PCED1B: variants seen among roughly 807,000 people sequenced by gnomAD.
PCED1B encodes PC-esterase domain containing 1B, also known as PC-esterase domain-containing protein 1B.
For missense variants in PCED1B, 573 were observed against 573.9 expected (o/e 1.00, Z 0.02); for synonymous variants, 251 against 246.1 (o/e 1.02, Z -0.19).
intron 2 of PCED1B, among the ~76,000 whole-genome samples, chr12:47,127,472 G>A (rs939182142): frequency 2.0e-5 from 3 of 150,008 alleles, no homozygotes; most frequent in Admixed American, 6.7e-5. Flanking sequence ...AGGTTCAAGC[G>A]ATTCTCCTGC....
chr12:47,217,512 GAA>G (rs1943327140), intron 3 of PCED1B, among the ~76,000 whole-genome samples: 1 of 130,432 alleles, frequency 7.7e-6, no homozygotes, highest in Admixed American at 7.2e-5. Context: ...AAGAAAGAAA[GAA>G]AGAAGAAAGA....
intron 2 of PCED1B, among the ~76,000 whole-genome samples, chr12:47,207,896 G>A (rs1037702553): frequency 6.6e-6 from 1 of 152,226 alleles, no homozygotes; most frequent in African/African-American, 2.4e-5. Context: ...CATATGACAG[G>A]CAGAGGTTAC....
Position 47,082,838 on chromosome 12 carries a change from A to G in PCED1B, c.-609+3113A>G, listed in dbSNP as rs1038813712. ...GGTTCCAACCTGGAATGGGTTGCCA[A>G]GACAGATGGTTGAGTTGCCTTCTCA... On this transcript the variant is annotated intron_variant, in intron 1 of 3. Coordinates refer to ENST00000546455, the MANE Select transcript of PCED1B (RefSeq NM_138371.3). Among the ~76,000 whole-genome samples the G allele has an allele frequency of 3.3e-5, 5 of 152,036 alleles. No individual in the cohort carries two copies. In the East Asian group the frequency reaches 9.6e-4, roughly 29 times the overall value.
At chr12:47,206,257 A>G (rs554336033) in intron 2 of PCED1B, 4 of 152,350 alleles carry the variant, frequency 2.6e-5, no homozygotes, top group Admixed American at 1.3e-4. Context: ...GGCTCATGTT[A>G]GTCCTACAAA....
chr12:47,164,910 A>G (rs917530432), intron 2 of PCED1B, among the ~76,000 whole-genome samples: 3 of 152,172 alleles, frequency 2.0e-5, no homozygotes, highest in African/African-American at 7.2e-5. Flanking sequence ...GGATGTAGTG[A>G]GCAGGTCCTG....
intron 3 of PCED1B, among the ~76,000 whole-genome samples, chr12:47,227,034 T>C (rs1943651895): frequency 2.6e-5 from 4 of 152,340 alleles, no homozygotes; most frequent in Admixed American, 2.0e-4. Flanking sequence ...AGCTTAGGAT[T>C]CTTTCCCAAA....
chr12:47,167,917 G>A (rs977424535), intron 2 of PCED1B, among the ~76,000 whole-genome samples: 1 of 152,172 alleles, frequency 6.6e-6, no homozygotes, highest in African/African-American at 2.4e-5. Flanking sequence ...GCTGCCAGAG[G>A]AGGCAGACAT....
At chr12:47,107,558 G>A (rs942501639) in intron 2 of PCED1B, among the ~76,000 whole-genome samples, 7 of 152,202 alleles carry the variant, frequency 4.6e-5, no homozygotes, top group Admixed American at 1.3e-4. Flanking sequence ...GCCTTGGTAT[G>A]GCCCCCGACA....
chr12:47,105,653 A>C (rs1482444610), intron 2 of PCED1B, among the ~76,000 whole-genome samples: 2 of 152,280 alleles, frequency 1.3e-5, no homozygotes, highest in Non-Finnish European at 2.9e-5. Flanking sequence ...GAATCTTAAA[A>C]TTTGTTTTGT....
intron 3 of PCED1B, among the ~76,000 whole-genome samples, chr12:47,218,469 C>T (rs1943370984): frequency 6.6e-6 from 1 of 152,104 alleles, no homozygotes. Flanking sequence ...TTCCAGAATC[C>T]TCTACAACAT....
At chr12:47,121,056 A>G (rs1401526824) in intron 2 of PCED1B, among the ~76,000 whole-genome samples, 2 of 152,204 alleles carry the variant, frequency 1.3e-5, no homozygotes, top group African/African-American at 2.4e-5. Flanking sequence ...GTGATGAAAA[A>G]TGTTCTAAAA....
At chr12:47,138,250 A>G (rs1338556213) in intron 2 of PCED1B, 1 of 152,226 alleles carries the variant, frequency 6.6e-6, no homozygotes, top group Non-Finnish European at 1.5e-5. Flanking sequence ...CTTCCTGGGT[A>G]GAACCTCAAA....
At chr12:47,191,903 C>A (rs900594817) in intron 2 of PCED1B, among the ~76,000 whole-genome samples, 1 of 151,834 alleles carries the variant, frequency 6.6e-6, no homozygotes, top group Non-Finnish European at 1.5e-5. Context: ...CTTGAGCTAA[C>A]TCAGACATCA....
intron 2 of PCED1B, 125 bp downstream of exon 2, chr12:47,104,320 A>G (rs564670128): frequency 6.6e-6 from 1 of 152,346 alleles, no homozygotes; most frequent in Admixed American, 6.5e-5. Context: ...TAGCTGTGTG[A>G]CTTGGGGCAA....
chr12:47,225,671 A>C (rs1389179485), intron 3 of PCED1B, among the ~76,000 whole-genome samples: 1 of 152,244 alleles, frequency 6.6e-6, no homozygotes, highest in Non-Finnish European at 1.5e-5. Context: ...TAGATCCCCC[A>C]AAATGCGGTT....
chr12:47,161,321 A>T (rs1160856158), intron 2 of PCED1B, among the ~76,000 whole-genome samples: 5 of 152,094 alleles, frequency 3.3e-5, no homozygotes, highest in African/African-American at 9.7e-5. Flanking sequence ...ACAATTTGTT[A>T]AAAAAATGGT....
intron 3 of PCED1B, among the ~76,000 whole-genome samples, chr12:47,231,792 G>A (rs1277548312): frequency 6.6e-6 from 1 of 152,166 alleles, no homozygotes; most frequent in South Asian, 2.1e-4. Flanking sequence ...TATTAACAGG[G>A]GAAGGTGTAT....
intron 2 of PCED1B, among the ~76,000 whole-genome samples, chr12:47,199,944 C>T (rs1390880565): frequency 6.6e-6 from 1 of 152,140 alleles, no homozygotes; most frequent in Non-Finnish European, 1.5e-5. Context: ...AAGCCACAGA[C>T]AGGGAGAAAA....
chr12:47,134,139 T>C (rs1940247150), intron 2 of PCED1B, among the ~76,000 whole-genome samples: 1 of 152,194 alleles, frequency 6.6e-6, no homozygotes, highest in Non-Finnish European at 1.5e-5. Context: ...TCAATCCAGA[T>C]GTAACAGCAT....
Sources: gnomAD v4.1 joint callset for allele counts (sites outside exome capture counted in the v4.1 genomes callset) on GRCh38, gnomAD v4.1.1 for gene constraint, MANE v1.5 for transcripts, NCBI Gene and HGNC (gene_info 2026-07-23, HGNC 2026-07-21) for gene names.